Variants in NR3C2 observed in about 807,000 individuals in gnomAD.
NR3C2 encodes the protein mineralocorticoid receptor.
Under a neutral mutation model 86.4 loss-of-function variants are expected in NR3C2, and 15 were observed. That is an observed-to-expected ratio of 0.17 (90% CI 0.12 to 0.27). The LOEUF (loss-of-function observed/expected upper bound fraction) is 0.27. Ranked by LOEUF, NR3C2 falls within the 10% of genes least tolerant of loss-of-function variation. The pLI is 1.00. For synonymous variants in NR3C2, 458 were observed against 450.5 expected, an observed-to-expected ratio of 1.02 and a Z score of -0.21; for missense variants, 960 against 1,195.6, an observed-to-expected ratio of 0.80 and a Z score of 2.91.
At chr4:148,283,119 C>G (rs1464643756) in intron 2 of NR3C2, among the ~76,000 whole-genome samples, 2 of 152,064 alleles carry the variant, frequency 1.3e-5, no homozygotes, top group Non-Finnish European at 2.9e-5. Context: ...AACAATCAGA[C>G]TAATTGGGTC....
At position 148,079,026 on chromosome 4, in the gene NR3C2, CAA is replaced by C. The variant is rs959165417; in HGVS notation, c.*2316_*2317del. 1 of 152,526 alleles carries C rather than the reference CAA, an allele frequency of 6.6e-6. No individual in the cohort carries two copies. Among genetic ancestry groups the C allele is most frequent in the African/African-American group, 2.4e-5 (1 of 41,392 alleles). The allele number at this position is 152,526 out of a possible 1,614,324, so 9.4% of individuals were successfully genotyped here. Reference sequence around the variant, plus strand: ...AATATGGCTTTGCTGTTTAATCAAGCAAAGTTACCTGGAGACACACAAAGAGC... The same window carrying C: ...AATATGGCTTTGCTGTTTAATCAAGCAGTTACCTGGAGACACACAAAGAGC... On this transcript the variant is annotated 3_prime_UTR_variant, in exon 9 of 9. Coordinates refer to ENST00000358102, the MANE Select transcript of NR3C2 (RefSeq NM_000901.5).
At chr4:148,387,651 T>C (rs1457627282) in intron 2 of NR3C2, among the ~76,000 whole-genome samples, 1 of 152,120 alleles carries the variant, frequency 6.6e-6, no homozygotes, top group Non-Finnish European at 1.5e-5. Context: ...GCGATAACAA[T>C]ATGTCTCCCT....
chr4:148,345,852 C>T (rs1439690845), intron 2 of NR3C2, among the ~76,000 whole-genome samples: 1 of 152,002 alleles, frequency 6.6e-6, no homozygotes, highest in East Asian at 1.9e-4. Flanking sequence ...AAAGTTGGAC[C>T]CAGTCCCTCC....
chr4:148,114,847 G>GA (rs1732200671), intron 7 of NR3C2, among the ~76,000 whole-genome samples: 1 of 152,168 alleles, frequency 6.6e-6, no homozygotes, highest in Non-Finnish European at 1.5e-5. Context: ...ACATTCGGGG[G>GA]AACTGGCCAT....
chr4:148,268,339 T>C (rs181841002), intron 2 of NR3C2, among the ~76,000 whole-genome samples: 99 of 152,328 alleles, frequency 6.5e-4, no homozygotes, highest in Admixed American at 1.4e-3. Flanking sequence ...TTTTATGATA[T>C]TATCTTTGCT....
At chr4:148,178,063 C>T (rs373804421) in intron 4 of NR3C2, among the ~76,000 whole-genome samples, 2 of 152,176 alleles carry the variant, frequency 1.3e-5, no homozygotes, top group South Asian at 2.1e-4. Context: ...CAGGGCTGGG[C>T]GCAGTGGCTC....
rs552977602 is a variant in NR3C2 at position 148,083,971 on chromosome 4, G to GA, written c.2800-2473dup. ...AATAAAGCAAGAAAAGAAGATGAGA[G>GA]AAAAAAGAGTGAAAAAGAAACGAAC... is the stretch of plus-strand genomic sequence containing the variant. On this transcript the variant is annotated intron_variant, in intron 8 of 8. Coordinates refer to ENST00000358102, the MANE Select transcript of NR3C2 (RefSeq NM_000901.5). Among the ~76,000 whole-genome samples the GA allele has an allele frequency of 3.1e-3, 471 of 151,878 alleles. 1 individual carries two copies. The highest frequency in any genetic ancestry group is 5.2e-3 in the Non-Finnish European group (353 of 67,936).
chr4:148,084,423 A>T (rs972668922), intron 8 of NR3C2, among the ~76,000 whole-genome samples: 1 of 152,248 alleles, frequency 6.6e-6, no homozygotes, highest in Non-Finnish European at 1.5e-5. Flanking sequence ...ACTAAGCTTC[A>T]TAAGTGAAGG....
At chr4:148,378,994 C>A (rs1746819528) in intron 2 of NR3C2, among the ~76,000 whole-genome samples, 1 of 151,960 alleles carries the variant, frequency 6.6e-6, no homozygotes, top group Non-Finnish European at 1.5e-5. Context: ...TCAACCTGTA[C>A]CAGCAAAAAC....
intron 4 of NR3C2, among the ~76,000 whole-genome samples, chr4:148,164,680 T>A (rs1210044201): frequency 6.6e-6 from 1 of 152,222 alleles, no homozygotes; most frequent in East Asian, 1.9e-4. Context: ...TTGGCATATG[T>A]CTCAGTAGAG....
intron 2 of NR3C2, among the ~76,000 whole-genome samples, chr4:148,281,218 A>C (rs538674457): frequency 6.6e-6 from 1 of 152,210 alleles, no homozygotes; most frequent in Non-Finnish European, 1.5e-5. Flanking sequence ...AGACTTGGGG[A>C]AAAAGCGGGT....
chr4:148,363,611 C>T (rs1324392722), intron 2 of NR3C2, among the ~76,000 whole-genome samples: 2 of 148,476 alleles, frequency 1.3e-5, no homozygotes, highest in East Asian at 2.0e-4. Flanking sequence ...TCATGCCATA[C>T]TCCTGCCTCA....
At chr4:148,307,691 G>A (rs1202729390) in intron 2 of NR3C2, among the ~76,000 whole-genome samples, 1 of 151,996 alleles carries the variant, frequency 6.6e-6, no homozygotes. Flanking sequence ...TCGGGAAACA[G>A]AACAAGCTTC....
chr4:148,301,718 A>G (rs781766192), intron 2 of NR3C2, among the ~76,000 whole-genome samples: 2 of 152,254 alleles, frequency 1.3e-5, no homozygotes, highest in Non-Finnish European at 2.9e-5. Context: ...ATTTCATAAC[A>G]TCAAGGGTTT....
At chr4:148,412,686 A>G (rs182919439) in intron 2 of NR3C2, among the ~76,000 whole-genome samples, 2 of 152,366 alleles carry the variant, frequency 1.3e-5, no homozygotes, top group East Asian at 3.9e-4. Flanking sequence ...TTCTAGGCTT[A>G]CATTCTTTTA....
At chr4:148,122,132 T>C (rs1043787719) in intron 6 of NR3C2, among the ~76,000 whole-genome samples, 4 of 152,224 alleles carry the variant, frequency 2.6e-5, no homozygotes, top group Non-Finnish European at 5.9e-5. Flanking sequence ...GTTGCTTTTA[T>C]TTCCATTTCC....
At chr4:148,249,664 A>G (rs1483350717) in intron 3 of NR3C2, among the ~76,000 whole-genome samples, 1 of 152,366 alleles carries the variant, frequency 6.6e-6, no homozygotes, top group African/African-American at 2.4e-5. Flanking sequence ...AATGTCTTAT[A>G]CCTGTAAGGA....
At chr4:148,117,357 G>A (rs1010190931) in intron 7 of NR3C2, among the ~76,000 whole-genome samples, 3 of 152,280 alleles carry the variant, frequency 2.0e-5, no homozygotes, top group Middle Eastern at 3.4e-3. Flanking sequence ...TGGAGTCTGC[G>A]ATTTTGCCTT....
intron 2 of NR3C2, among the ~76,000 whole-genome samples, chr4:148,289,818 G>A (rs553213272): frequency 2.0e-5 from 3 of 152,086 alleles, no homozygotes; most frequent in East Asian, 3.9e-4. Context: ...CTGATAATGC[G>A]AGGGAACATG....
Sources: allele counts gnomAD v4.1 joint callset (sites outside exome capture counted in the v4.1 genomes callset), GRCh38; gene constraint gnomAD v4.1.1; transcripts MANE v1.5; gene names NCBI Gene and HGNC (gene_info 2026-07-23, HGNC 2026-07-21).